COBLL1: variants seen among roughly 807,000 people sequenced by gnomAD.
COBLL1 encodes the protein cordon-bleu WH2 repeat protein like 1, also known as cordon-bleu protein-like 1.
COBLL1 carries 50 observed loss-of-function variants against 94.8 expected under a neutral mutation model. The ratio of observed to expected loss-of-function variants is 0.53; its 90% CI spans 0.42 to 0.67. COBLL1 has a LOEUF of 0.67. COBLL1 is among the 30% of genes least tolerant of loss of function. The pLI is 0.00. For missense variants in COBLL1, 1,362 were observed against 1,348.7 expected, an observed-to-expected ratio of 1.01 and a Z score of -0.15; for synonymous variants, 448 against 473.8, an observed-to-expected ratio of 0.95 and a Z score of 0.71.
chr2:164,753,341 C>T (rs1047480440), intron 2 of COBLL1, among the ~76,000 whole-genome samples: 3 of 152,170 alleles, frequency 2.0e-5, no homozygotes, highest in African/African-American at 7.2e-5. Flanking sequence ...TCACTTCAGG[C>T]TTTCTGCCCC....
Position 164,752,462 on chromosome 2 carries a change from G to A in COBLL1, c.42-8587C>T, listed in dbSNP as rs183365381. On this transcript the variant is annotated intron_variant, in intron 2 of 13. Coordinates refer to ENST00000652658, the MANE Select transcript of COBLL1 (RefSeq NM_001365672.2). ...AGTGAATGAGCAAAAGCCAGGTAGT[G>A]AAGGAGAAAAAAATATGTGGTTATT... is the stretch of plus-strand genomic sequence containing the variant. Among the ~76,000 whole-genome samples the A allele has an allele frequency of 2.7e-3, 409 of 150,640 alleles. 3 individuals are homozygous for A. Among genetic ancestry groups the A allele is most frequent in the Non-Finnish European group, 4.6e-3 (309 of 67,754 alleles).
At chr2:164,703,965 C>T (rs1269969687) in intron 9 of COBLL1, among the ~76,000 whole-genome samples, 1 of 152,088 alleles carries the variant, frequency 6.6e-6, no homozygotes, top group African/African-American at 2.4e-5. Flanking sequence ...AGAGGAGAGC[C>T]ATATACTGCA....
At chr2:164,764,532 G>A (rs1687843143) in intron 2 of COBLL1, among the ~76,000 whole-genome samples, 1 of 152,136 alleles carries the variant, frequency 6.6e-6, no homozygotes, top group South Asian at 2.1e-4. Flanking sequence ...CAGTAGCAAA[G>A]AGCATGTAGT....
chr2:164,791,383 C>T (rs912322487), intron 2 of COBLL1, among the ~76,000 whole-genome samples: 1 of 151,824 alleles, frequency 6.6e-6, no homozygotes, highest in African/African-American at 2.4e-5. Flanking sequence ...GCCAGAAAGA[C>T]AAAAGTCACA....
intron 2 of COBLL1, among the ~76,000 whole-genome samples, chr2:164,818,897 G>A (rs1685023483): frequency 6.6e-6 from 1 of 151,264 alleles, no homozygotes; most frequent in Admixed American, 6.6e-5. Flanking sequence ...AGCCTACTAA[G>A]TAGCTGAGAC....
downstream of COBLL1, among the ~76,000 whole-genome samples, chr2:164,678,213 T>C (rs1691370133): frequency 6.6e-6 from 1 of 152,148 alleles, no homozygotes; most frequent in South Asian, 2.1e-4. Flanking sequence ...ATTATAAAGT[T>C]ACAGTAATTA....
intron 2 of COBLL1, among the ~76,000 whole-genome samples, chr2:164,765,923 A>AT (rs11456627): frequency 0.28 from 41,908 of 151,844 alleles, 6,131 homozygotes; most frequent in East Asian, 0.4. Context: ...CAAGATCATA[A>AT]TTTTTTTCTT....
At chr2:164,756,489 A>T (rs1403041074) in intron 2 of COBLL1, among the ~76,000 whole-genome samples, 2 of 152,164 alleles carry the variant, frequency 1.3e-5, no homozygotes, top group African/African-American at 4.8e-5. Context: ...TAAAATAGTT[A>T]AAAAATGGCA....
At chr2:164,675,568 AT>A (rs1181530647), downstream of COBLL1, among the ~76,000 whole-genome samples, 2 of 152,232 alleles carry the variant, frequency 1.3e-5, no homozygotes, top group Non-Finnish European at 2.9e-5. Context: ...TTCTTAAAAA[AT>A]AAAACAAAAT....
chr2:164,686,393 G>A (rs1343738640), intron 13 of COBLL1, among the ~76,000 whole-genome samples: 2 of 152,054 alleles, frequency 1.3e-5, no homozygotes, highest in African/African-American at 2.4e-5. Flanking sequence ...TGAGAATGTA[G>A]AAAGATAAAG....
chr2:164,714,605 C>G (rs1428788195), intron 7 of COBLL1, among the ~76,000 whole-genome samples: 1 of 152,070 alleles, frequency 6.6e-6, no homozygotes, highest in Non-Finnish European at 1.5e-5. Context: ...TCAGTTCATC[C>G]AGAAAGGCAA....
At chr2:164,766,752 C>T (rs1224102148) in intron 2 of COBLL1, among the ~76,000 whole-genome samples, 1 of 152,174 alleles carries the variant, frequency 6.6e-6, no homozygotes, top group East Asian at 1.9e-4. Flanking sequence ...TCTCTGACTA[C>T]TCCTGCTTTC....
At chr2:164,703,457 T>G (rs1684422633) in intron 9 of COBLL1, among the ~76,000 whole-genome samples, 2 of 152,234 alleles carry the variant, frequency 1.3e-5, no homozygotes, top group South Asian at 4.1e-4. Flanking sequence ...TCAACAGTTG[T>G]AATTGTTATT....
At chr2:164,719,042 A>G (rs913286137) in intron 7 of COBLL1, among the ~76,000 whole-genome samples, 2 of 152,106 alleles carry the variant, frequency 1.3e-5, no homozygotes, top group African/African-American at 4.8e-5. Flanking sequence ...TAAGAAATAC[A>G]AATGCAGCAG....
At chr2:164,799,978 C>T (rs980480026) in intron 2 of COBLL1, among the ~76,000 whole-genome samples, 5 of 152,034 alleles carry the variant, frequency 3.3e-5, no homozygotes, top group Admixed American at 6.6e-5. Context: ...AAATGAAAAG[C>T]TGTAAAACTT....
At chr2:164,789,973 T>C (rs1204364091) in intron 2 of COBLL1, among the ~76,000 whole-genome samples, 1 of 152,248 alleles carries the variant, frequency 6.6e-6, no homozygotes, top group African/African-American at 2.4e-5. Context: ...CATTTGTTTT[T>C]TCCTCCCTAT....
chr2:164,704,950 A>G lies in COBLL1; in HGVS notation c.1150+2T>C, dbSNP rs1432318751. Reference sequence around the variant, plus strand: ...GTAATGTTAATGAAACAACCACATTACCAGTCACACGACTATTTTCATCAC... The same window carrying G: ...GTAATGTTAATGAAACAACCACATTGCCAGTCACACGACTATTTTCATCAC... On this transcript the variant is annotated splice_donor_variant, in intron 8 of 13. Coordinates refer to ENST00000652658, the MANE Select transcript of COBLL1 (RefSeq NM_001365672.2). LOFTEE classifies it high-confidence loss of function. The G allele has an allele frequency of 2.5e-6, 4 of 1,570,340 alleles. No individual in the cohort carries two copies. The highest frequency in any genetic ancestry group is 3.4e-6 in the Non-Finnish European group (4 of 1,161,812).
At chr2:164,713,641 T>C (rs1685020178) in intron 7 of COBLL1, among the ~76,000 whole-genome samples, 1 of 152,208 alleles carries the variant, frequency 6.6e-6, no homozygotes, top group Admixed American at 6.5e-5. Flanking sequence ...ATGGTTACCA[T>C]GGTTAACAAA....
intron 2 of COBLL1, among the ~76,000 whole-genome samples, chr2:164,754,810 A>T (rs1188176347): frequency 2.6e-5 from 4 of 152,194 alleles, no homozygotes; most frequent in Non-Finnish European, 5.9e-5. Flanking sequence ...CTTTTGTTCA[A>T]TAATTAGCTA....
Sources: allele counts gnomAD v4.1 joint callset (sites outside exome capture counted in the v4.1 genomes callset), GRCh38; gene constraint gnomAD v4.1.1; transcripts MANE v1.5; gene names NCBI Gene and HGNC (gene_info 2026-07-23, HGNC 2026-07-21).